Variants in RORA observed in about 807,000 individuals in gnomAD.
RORA encodes RAR related orphan receptor A, also known as nuclear receptor ROR-alpha.
RORA carries 7 observed loss-of-function variants against 69.5 expected under a neutral mutation model. The ratio of observed to expected loss-of-function variants is 0.10; its 90% CI spans 0.06 to 0.19. The LOEUF (loss-of-function observed/expected upper bound fraction) is 0.19. Among genes scored for constraint, RORA ranks in the 10% least tolerant of loss-of-function variants. The probability of loss-of-function intolerance (pLI) is 1.00; values close to 1 mark genes in which losing one functional copy is unlikely to be tolerated. For synonymous variants in RORA, 261 were observed against 240.8 expected, an observed-to-expected ratio of 1.08 and a Z score of -0.78; for missense variants, 457 against 663.0, an observed-to-expected ratio of 0.69 and a Z score of 3.41.
chr15:61,028,647 C>G (rs534573209), intron 1 of RORA, among the ~76,000 whole-genome samples: 4 of 152,296 alleles, frequency 2.6e-5, no homozygotes, highest in Non-Finnish European at 4.4e-5. Context: ...GTAACCCTAT[C>G]TAGCAGGATC....
intron 1 of RORA, among the ~76,000 whole-genome samples, chr15:60,692,033 T>C (rs914132239): frequency 6.6e-6 from 1 of 152,190 alleles, no homozygotes; most frequent in Non-Finnish European, 1.5e-5. Flanking sequence ...GAGAAAACTA[T>C]TTTGGAAACA....
intron 1 of RORA, among the ~76,000 whole-genome samples, chr15:61,071,812 T>C (rs761511167): frequency 1.3e-5 from 2 of 152,010 alleles, no homozygotes; most frequent in Non-Finnish European, 2.9e-5. Context: ...AGACAAAGTG[T>C]TACTAAATAC....
intron 1 of RORA, among the ~76,000 whole-genome samples, chr15:60,685,696 A>G (rs917592644): frequency 2.0e-5 from 3 of 152,216 alleles, no homozygotes; most frequent in Non-Finnish European, 4.4e-5. Context: ...TGTTTCAAAA[A>G]TTCTTAATGG....
chr15:60,580,846 C>T (rs192676739), intron 2 of RORA, among the ~76,000 whole-genome samples: 1 of 152,320 alleles, frequency 6.6e-6, no homozygotes, highest in African/African-American at 2.4e-5. Flanking sequence ...TTTATTGTTA[C>T]TAGCATGCCT....
chr15:60,638,386 CTTTT>C (rs375782514), intron 2 of RORA, among the ~76,000 whole-genome samples: 2 of 117,920 alleles, frequency 1.7e-5, no homozygotes, highest in Non-Finnish European at 3.7e-5. Flanking sequence ...ATTTTCTTTT[CTTTT>C]TTTTTTTTTT....
At chr15:60,628,729 T>C (rs1014115691) in intron 2 of RORA, among the ~76,000 whole-genome samples, 10 of 152,154 alleles carry the variant, frequency 6.6e-5, no homozygotes, top group Admixed American at 5.9e-4. Flanking sequence ...ACTGATGCCC[T>C]TGGAGAGGTG....
In RORA at chr15:61,093,187, C is replaced by CA. The variant is rs1419219846; in HGVS notation, c.166+135865dup. On this transcript the variant is annotated intron_variant, in intron 1 of 10. Transcript: ENST00000335670. ...TTTATTCCACAAAGAGATAAGGAAA[C>CA]AAAAAAAGGTAATATTCTTCCATCT... Among the ~76,000 whole-genome samples, 5 of 151,646 alleles carry CA rather than the reference C, an allele frequency of 3.3e-5. No individual in the cohort carries two copies. The East Asian group carries it at 5.8e-4, about 18-fold the overall frequency.
At chr15:61,140,821 T>A (rs1219960498) in intron 1 of RORA, among the ~76,000 whole-genome samples, 1 of 152,196 alleles carries the variant, frequency 6.6e-6, no homozygotes, top group Non-Finnish European at 1.5e-5. Context: ...TGTACCTTCA[T>A]ATTTGGAGAA....
chr15:60,870,931 A>G (rs1567220394), intron 1 of RORA, among the ~76,000 whole-genome samples: 1 of 152,206 alleles, frequency 6.6e-6, no homozygotes. Flanking sequence ...TTTTTAAACA[A>G]CTTCTTAACT....
chr15:60,645,028 T>G (rs1347511310), intron 2 of RORA, among the ~76,000 whole-genome samples: 1 of 152,214 alleles, frequency 6.6e-6, no homozygotes, highest in Non-Finnish European at 1.5e-5. Context: ...TTCCCTTTAT[T>G]GCCAGGAAGT....
At chr15:60,943,487 T>G (rs114557749) in intron 1 of RORA, among the ~76,000 whole-genome samples, 1,600 of 152,246 alleles carry the variant, frequency 0.011, 34 homozygotes, top group African/African-American at 0.036. Flanking sequence ...ATTTTCAATG[T>G]GAAGGTTCAG....
chr15:60,680,547 T>C (rs1238774092), intron 1 of RORA, among the ~76,000 whole-genome samples: 12 of 152,148 alleles, frequency 7.9e-5, no homozygotes, highest in Admixed American at 7.9e-4. Context: ...CTAAAACTTT[T>C]CATTATCTGT....
At chr15:60,573,093 T>C (rs1360394766) in intron 2 of RORA, among the ~76,000 whole-genome samples, 1 of 152,236 alleles carries the variant, frequency 6.6e-6, no homozygotes, top group Non-Finnish European at 1.5e-5. Context: ...AGCATTCGCT[T>C]GTAGCACCAA....
intron 1 of RORA, among the ~76,000 whole-genome samples, chr15:61,085,768 T>C (rs1040495225): frequency 6.6e-6 from 1 of 152,162 alleles, no homozygotes; most frequent in East Asian, 1.9e-4. Flanking sequence ...AATAGTTTTG[T>C]TTTTCCATGC....
In RORA at chr15:60,847,317, G is replaced by C. The variant is rs151142351; in HGVS notation, c.167-168631C>G. Among the ~76,000 whole-genome samples, 458 of 152,184 alleles carry C rather than the reference G, an allele frequency of 3.0e-3. 2 individuals are homozygous for C. The highest frequency in any genetic ancestry group is 0.011 in the African/African-American group (438 of 41,532). On this transcript the variant is annotated intron_variant, in intron 1 of 10. Coordinates refer to ENST00000335670, the MANE Select transcript of RORA (RefSeq NM_134261.3). ...GACAGGGTGTTTCTCGGAGGTTGCA[G>C]CCAGGCAAGAGTCTAATCAGAGTCT...
intron 1 of RORA, among the ~76,000 whole-genome samples, chr15:61,054,630 A>C (rs2078065172): frequency 6.6e-6 from 1 of 152,152 alleles, no homozygotes; most frequent in Non-Finnish European, 1.5e-5. Context: ...TCCTATCACT[A>C]GTATATTATT....
At chr15:61,146,800 A>C (rs775538031) in intron 1 of RORA, among the ~76,000 whole-genome samples, 3 of 152,218 alleles carry the variant, frequency 2.0e-5, no homozygotes, top group Non-Finnish European at 2.9e-5. Flanking sequence ...GCTGTTATAC[A>C]TTTATTCAAA....
chr15:60,749,095 A>T (rs4775293), intron 1 of RORA, among the ~76,000 whole-genome samples: 96,128 of 152,124 alleles, frequency 0.63, 30,694 homozygotes, highest in African/African-American at 0.68. Flanking sequence ...GTTTATGAGC[A>T]GTGGTCTTTC....
At chr15:60,923,925 T>C (rs2140492190) in intron 1 of RORA, among the ~76,000 whole-genome samples, 1 of 152,312 alleles carries the variant, frequency 6.6e-6, no homozygotes, top group East Asian at 1.9e-4. Flanking sequence ...TCCCCCTTAG[T>C]CCATGCCTGG....
Sources: gnomAD v4.1 joint callset for allele counts (sites outside exome capture counted in the v4.1 genomes callset) on GRCh38, gnomAD v4.1.1 for gene constraint, MANE v1.5 for transcripts, NCBI Gene and HGNC (gene_info 2026-07-23, HGNC 2026-07-21) for gene names.